Variants in NXPE4 observed in about 807,000 individuals in gnomAD.
The protein encoded by NXPE4 is neurexophilin and PC-esterase domain family member 4, also known as NXPE family member 4.
A neutral mutation model predicts 33.3 loss-of-function variants in NXPE4; 42 were observed. That is an observed-to-expected ratio of 1.26 (90% CI 0.98 to 1.63). The LOEUF (loss-of-function observed/expected upper bound fraction) is 1.63, where lower values mean the gene tolerates loss of function less well. Among genes scored for constraint, NXPE4 ranks in the 40% most tolerant of loss-of-function variants. NXPE4 has a pLI of 0.00. For missense variants in NXPE4, 709 were observed against 647.6 expected, an observed-to-expected ratio of 1.09 and a Z score of -1.03; for synonymous variants, 253 against 234.9, an observed-to-expected ratio of 1.08 and a Z score of -0.71.
chr11:114,592,713 A>G (rs532257016), intron 2 of NXPE4, among the ~76,000 whole-genome samples: 1 of 152,304 alleles, frequency 6.6e-6, no homozygotes. Flanking sequence ...GAAGATCCAG[A>G]ATAGCCAAAG....
At chr11:114,662,669 A>G in the NXPE4 span, among the ~76,000 whole-genome samples, 3 of 152,170 alleles carry the variant, frequency 2.0e-5, no homozygotes, top group African/African-American at 7.2e-5. Context: ...GAGAGGGAAG[A>G]GTGGTGAGGA....
At chr11:114,634,318 T>C in the NXPE4 span, among the ~76,000 whole-genome samples, 1 of 152,118 alleles carries the variant, frequency 6.6e-6, no homozygotes, top group Non-Finnish European at 1.5e-5. Context: ...TTGTTTGTTA[T>C]TTTCTTGTAA....
At chr11:114,583,081 T>C in intron 2 of NXPE4, 60 bp from the exon 3 acceptor site, 1 of 1,510,832 alleles carries the variant, frequency 6.6e-7, no homozygotes, top group Admixed American at 2.1e-5. Context: ...TGAACTGAAA[T>C]GACAGGAAGT....
chr11:114,614,156 G>A, the NXPE4 span, among the ~76,000 whole-genome samples: 1 of 149,440 alleles, frequency 6.7e-6, no homozygotes, highest in African/African-American at 2.5e-5. Flanking sequence ...TGCCTCATGG[G>A]TACCAACTCT....
upstream of NXPE4, among the ~76,000 whole-genome samples, chr11:114,599,251 C>A (rs559283146): frequency 6.6e-6 from 1 of 152,256 alleles, no homozygotes; most frequent in Non-Finnish European, 1.5e-5. Flanking sequence ...ACAAAACTGA[C>A]CTTTACTCCG....
rs1364392519 is a variant in NXPE4, at chr11:114,581,420, G to A, written c.892+305C>T. On this transcript the variant is annotated intron_variant, in intron 4 of 5. Coordinates refer to ENST00000375478, the MANE Select transcript of NXPE4 (RefSeq NM_001077639.2). ...GTATGAAGAGAGGTGTTGTGGTGAG[G>A]TAAAGAAGTGGGTATAGAATTGGGA... is the stretch of plus-strand genomic sequence containing the variant. Among the ~76,000 whole-genome samples, 5 of 152,258 alleles carry A rather than the reference G, an allele frequency of 3.3e-5. No individual in the cohort carries two copies. The East Asian group carries it at 7.7e-4, about 24-fold the overall frequency.
At chr11:114,637,831 C>A in the NXPE4 span, among the ~76,000 whole-genome samples, 1 of 152,040 alleles carries the variant, frequency 6.6e-6, no homozygotes, top group Admixed American at 6.6e-5. Context: ...GCCAAGAGAT[C>A]TGCTGTTAGT....
the NXPE4 span, among the ~76,000 whole-genome samples, chr11:114,664,865 G>A: frequency 1.3e-5 from 2 of 152,156 alleles, no homozygotes; most frequent in Non-Finnish European, 2.9e-5. Context: ...ACTCTACAGT[G>A]TACTACTGGA....
the NXPE4 span, among the ~76,000 whole-genome samples, chr11:114,643,988 A>G: frequency 6.6e-6 from 1 of 151,938 alleles, no homozygotes; most frequent in Non-Finnish European, 1.5e-5. Flanking sequence ...TATCCCTTTT[A>G]AGTTGTATTG....
the NXPE4 span, among the ~76,000 whole-genome samples, chr11:114,643,760 T>C: frequency 5.3e-5 from 8 of 152,190 alleles, no homozygotes; most frequent in Admixed American, 1.3e-4. Flanking sequence ...TGGTACCATA[T>C]GAAACTTAAA....
the NXPE4 span, among the ~76,000 whole-genome samples, chr11:114,611,126 G>T: frequency 6.7e-6 from 1 of 150,278 alleles, no homozygotes; most frequent in African/African-American, 2.5e-5. Context: ...AGTTAGTATT[G>T]CCTCATGGGT....
the NXPE4 span, among the ~76,000 whole-genome samples, chr11:114,608,152 A>T: frequency 1.5e-4 from 21 of 142,174 alleles, 1 homozygote; most frequent in South Asian, 3.4e-3. Flanking sequence ...GGGTAACCAG[A>T]GTTACCCTGT....
At chr11:114,620,710 G>A in the NXPE4 span, among the ~76,000 whole-genome samples, 1 of 152,080 alleles carries the variant, frequency 6.6e-6, no homozygotes, top group South Asian at 2.1e-4. Flanking sequence ...TGGATAATAA[G>A]TACTGCCTCT....
the NXPE4 span, among the ~76,000 whole-genome samples, chr11:114,609,550 A>G: frequency 6.6e-6 from 1 of 151,796 alleles, no homozygotes; most frequent in African/African-American, 2.4e-5. Context: ...CCAATGGATA[A>G]TGAGTATTGC....
chr11:114,642,516 A>G, the NXPE4 span, among the ~76,000 whole-genome samples: 4 of 151,912 alleles, frequency 2.6e-5, no homozygotes, highest in African/African-American at 9.6e-5. Context: ...GAGTGACAAC[A>G]TGCAGTATTT....
the NXPE4 span, among the ~76,000 whole-genome samples, chr11:114,670,302 A>T: frequency 6.6e-6 from 1 of 152,022 alleles, no homozygotes; most frequent in South Asian, 2.1e-4. Context: ...TCCCAAGATG[A>T]TTGTGTGCAT....
At chr11:114,621,470 G>T in the NXPE4 span, among the ~76,000 whole-genome samples, 1 of 152,076 alleles carries the variant, frequency 6.6e-6, no homozygotes. Flanking sequence ...AATAAGTATT[G>T]CCTCATGGGT....
At chr11:114,603,260 T>TGTA in the NXPE4 span, among the ~76,000 whole-genome samples, 1 of 149,500 alleles carries the variant, frequency 6.7e-6, no homozygotes, top group Non-Finnish European at 1.5e-5. Flanking sequence ...AGGTAACTCC[T>TGTA]ATTTCCTGGT....
chr11:114,572,784 A>G (rs1022935295), intron 5 of NXPE4, among the ~76,000 whole-genome samples: 3 of 152,208 alleles, frequency 2.0e-5, no homozygotes, highest in African/African-American at 7.2e-5. Flanking sequence ...TCTGGAAAAC[A>G]TATTTGAGGG....
Sources: gnomAD v4.1 joint callset for allele counts (sites outside exome capture counted in the v4.1 genomes callset) on GRCh38, gnomAD v4.1.1 for gene constraint, MANE v1.5 for transcripts, NCBI Gene and HGNC (gene_info 2026-07-23, HGNC 2026-07-21) for gene names.